Variants in EXOC3 observed in about 807,000 individuals in gnomAD.
The protein encoded by EXOC3 is exocyst complex component 3.
A neutral mutation model predicts 73.7 loss-of-function variants in EXOC3; 21 were observed. The ratio of observed to expected loss-of-function variants is 0.29; its 90% confidence interval spans 0.20 to 0.41. The LOEUF is 0.41. Among genes scored for constraint, EXOC3 ranks in the 10% least tolerant of loss-of-function variants. The pLI is 1.00. For synonymous variants in EXOC3, 410 were observed against 389.1 expected (o/e 1.05, Z -0.63); for missense variants, 842 against 985.1 (o/e 0.85, Z 1.95).
chr5:459,331 C>T lies in EXOC3; in HGVS notation c.1291-28C>T, dbSNP rs547012886. The T allele has an allele frequency of 2.6e-4, 338 of 1,279,396 alleles. 1 individual carries two copies. The highest frequency in any genetic ancestry group is 3.6e-4 in the Non-Finnish European group (326 of 907,584). 79.3% of individuals were successfully genotyped at this position (1,279,396 alleles called of 1,614,324 possible). On this transcript the variant is annotated intron_variant, in intron 6 of 12. Transcript: ENST00000512944. ...TTAGTATACTCCTGTAAGATTATACCAGAATTCATAAGTTCTCTGATTTTT... is the reference window on the plus strand; with the variant it reads ...TTAGTATACTCCTGTAAGATTATACTAGAATTCATAAGTTCTCTGATTTTT...
intron 1 of EXOC3, among the ~76,000 whole-genome samples, chr5:444,528 C>G (rs900029054): frequency 7.2e-5 from 11 of 152,282 alleles, no homozygotes; most frequent in Admixed American, 7.2e-4. Flanking sequence ...ATCATACAGG[C>G]TTTAATGTCA....
chr5:461,359 A>G (rs1202591957), intron 7 of EXOC3, among the ~76,000 whole-genome samples: 1 of 152,222 alleles, frequency 6.6e-6, no homozygotes, highest in Non-Finnish European at 1.5e-5. Context: ...TTACGCCTGT[A>G]ATCCCAGCAC....
chr5:459,394 A>T lies in EXOC3; in HGVS notation c.1326A>T (p.Ile442=). The stretch of plus-strand genomic sequence containing the variant: ...AGAATCTTCAAGTTGCTGCTCAGAT[A>T]AGTGAAGATTTGAAAACAAAGGTAC... ...FEQNLQVAAQ[I]SEDLKTKVLV... The change falls in exon 7 of 13, where the codon ATA becomes ATT. Residue 442 remains isoleucine, a synonymous_variant. Coordinates refer to ENST00000512944, the MANE Select transcript of EXOC3 (RefSeq NM_007277.5). 1 of 1,572,190 alleles carries T rather than the reference A, an allele frequency of 6.4e-7. No homozygotes were observed. Among genetic ancestry groups the T allele is most frequent in the Non-Finnish European group, 8.7e-7 (1 of 1,155,190 alleles).
Position 447,721 on chromosome 5 carries a change from A to G in EXOC3, c.333A>G (p.Ala111=). 6.3e-7 allele frequency: 1 copy of G among 1,578,722 alleles called. No individual in the cohort carries two copies. Among genetic ancestry groups the G allele is most frequent in the Non-Finnish European group, 8.6e-7 (1 of 1,160,604 alleles). ...DAVVQHSQLA[A]AVENLKNIFS... is the part of the protein sequence containing the mutation. ...TGGTGCAGCACAGCCAGCTCGCCGC[A>G]GCCGTGGAGAACCTCAAGAACATCT... Residue 111 remains alanine (A), a synonymous_variant, in exon 3 of 13, where the codon GCA becomes GCG. Coordinates refer to ENST00000512944, the MANE Select transcript of EXOC3 (RefSeq NM_007277.5).
chr5:444,085 A>C (rs1422260248), intron 1 of EXOC3, among the ~76,000 whole-genome samples: 4 of 152,108 alleles, frequency 2.6e-5, no homozygotes, highest in Non-Finnish European at 5.9e-5. Context: ...TCCCTGGCGC[A>C]GGTGTCTCCG....
chr5:462,515 C>G (rs1579744588), intron 9 of EXOC3: 1 of 577,852 alleles, frequency 1.7e-6, no homozygotes, highest in Non-Finnish European at 3.1e-6. Context: ...ACGCACAATT[C>G]AGTAGATTCA....
intron 1 of EXOC3, among the ~76,000 whole-genome samples, chr5:443,560 G>T (rs1737407496): frequency 6.6e-6 from 1 of 151,530 alleles, no homozygotes; most frequent in African/African-American, 2.4e-5. Flanking sequence ...GGTCCTTCCT[G>T]GTGCAGGTGT....
intron 9 of EXOC3, among the ~76,000 whole-genome samples, chr5:463,562 T>A (rs762090008): frequency 2.6e-5 from 4 of 152,240 alleles, no homozygotes; most frequent in Non-Finnish European, 5.9e-5. Flanking sequence ...GGGCCTGAAC[T>A]GGGTTGGGTT....
chr5:444,305 A>T (rs1413793091), intron 1 of EXOC3, among the ~76,000 whole-genome samples: 1 of 151,630 alleles, frequency 6.6e-6, no homozygotes, highest in Non-Finnish European at 1.5e-5. Context: ...GCGTTTTTTA[A>T]CTCCAGATTT....
In EXOC3 at chr5:467,047, T is replaced by A; in HGVS notation, c.*149T>A. 1 of 824,420 alleles carries A rather than the reference T, an allele frequency of 1.2e-6. No homozygotes were observed. The highest frequency in any genetic ancestry group is 1.9e-6 in the Non-Finnish European group (1 of 535,920). The allele number at this position is 824,420 out of a possible 1,614,324, so 51.1% of individuals were successfully genotyped here. The stretch of plus-strand genomic sequence containing the variant: ...GCCAGTGTGATGCACCGGGTGTGCG[T>A]CGAGTGAGCGTCCCGAGGCCACGTG... On this transcript the variant is annotated 3_prime_UTR_variant, in exon 13 of 13. Transcript: ENST00000512944.
chr5:445,463 C>T (rs1187409963), intron 1 of EXOC3, among the ~76,000 whole-genome samples: 5 of 151,680 alleles, frequency 3.3e-5, no homozygotes, highest in Admixed American at 3.3e-4. Context: ...CAGTCTCCTG[C>T]CTCAGCCTCC....
At position 453,986 on chromosome 5, in the gene EXOC3, A is replaced by G. The variant is rs200333754; in HGVS notation, c.981A>G (p.Ala327=). 7.2e-4 allele frequency: 1,156 copies of G among 1,613,812 alleles called. 2 individuals are homozygous for G. The highest frequency in any genetic ancestry group is 8.7e-4 in the South Asian group (79 of 91,038). The part of the protein sequence containing the change: ...QALSTRMQDL[A]SEDLEANEIV... The stretch of plus-strand genomic sequence containing the variant: ...TGAGCACGCGGATGCAGGACCTCGC[A>G]TCGGAAGACCTGGAAGCCAATGAGA... The change falls in exon 4 of 13, where the codon GCA becomes GCG. Residue 327 remains alanine (A), a synonymous_variant. Transcript: ENST00000512944.
At chr5:454,118 G>A in intron 4 of EXOC3, 67 bp downstream of exon 4, 1 of 1,349,120 alleles carries the variant, frequency 7.4e-7, no homozygotes, top group Non-Finnish European at 1.0e-6. Context: ...GCCTGCAGCT[G>A]CTTGCTGGAG....
At chr5:460,750 G>C (rs1429825864) in intron 7 of EXOC3, among the ~76,000 whole-genome samples, 1 of 152,246 alleles carries the variant, frequency 6.6e-6, no homozygotes, top group African/African-American at 2.4e-5. Context: ...TGTCCATGGG[G>C]ATCTTGGCCT....
intron 7 of EXOC3, chr5:459,703 T>G: frequency 3.2e-6 from 1 of 308,376 alleles, no homozygotes. Context: ...TCCTTAGCGA[T>G]GCGCCGGATG....
intron 3 of EXOC3, 24 bp from the exon 4 acceptor site, chr5:453,346 T>C (rs1737708947): frequency 6.5e-7 from 1 of 1,536,516 alleles, no homozygotes; most frequent in Admixed American, 2.0e-5. Context: ...GTTGTTTATG[T>C]TGTGTCTTGT....
chr5:466,679 A>G (rs1022607025), intron 12 of EXOC3, 48 bp from the exon 13 acceptor site: 5 of 1,565,706 alleles, frequency 3.2e-6, no homozygotes, highest in Admixed American at 1.8e-5. Flanking sequence ...AGCGTGGTGC[A>G]TCACAGGGCT....
At chr5:459,980 C>G (rs1007044963) in intron 7 of EXOC3, among the ~76,000 whole-genome samples, 1 of 152,202 alleles carries the variant, frequency 6.6e-6, no homozygotes, top group Non-Finnish European at 1.5e-5. Flanking sequence ...CCATCCCCTC[C>G]AAAGCCCCCT....
At position 465,273 on chromosome 5, in the gene EXOC3, G is replaced by GT; in HGVS notation, c.1938+2dup. The stretch of plus-strand genomic sequence containing the variant: ...CTTCCTGTTCCGGAAGCTGGCGTCC[G>GT]TGAGTGTCGCGCAGGTCCGGGCTGG... On this transcript the variant is annotated splice_donor_variant, in intron 11 of 12. Coordinates refer to ENST00000512944, the MANE Select transcript of EXOC3 (RefSeq NM_007277.5). LOFTEE classifies it high-confidence loss of function. 6.3e-7 allele frequency: 1 copy of GT among 1,577,944 alleles called. No homozygotes were observed. Among genetic ancestry groups the GT allele is most frequent in the Non-Finnish European group, 8.6e-7 (1 of 1,162,672 alleles).
Sources: gnomAD v4.1 joint callset for allele counts (sites outside exome capture counted in the v4.1 genomes callset) on GRCh38, gnomAD v4.1.1 for gene constraint, MANE v1.5 for transcripts, NCBI Gene and HGNC (gene_info 2026-07-23, HGNC 2026-07-21) for gene names.